Variants in TMEM63C observed in about 807,000 individuals in gnomAD.
TMEM63C encodes transmembrane protein 63C.
A neutral mutation model predicts 99.2 loss-of-function variants in TMEM63C; 32 were observed. The ratio of observed to expected loss-of-function variants is 0.32; its 90% CI spans 0.24 to 0.43. The LOEUF is 0.43. Ranked by LOEUF, TMEM63C falls within the 20% of genes least tolerant of loss-of-function variation. The pLI is 1.00. For synonymous variants in TMEM63C, 376 were observed against 397.9 expected (o/e 0.94, Z 0.66); for missense variants, 826 against 1,053.0 (o/e 0.78, Z 2.98).
chr14:77,252,866 C>G (rs1235680193), intron 22 of TMEM63C, among the ~76,000 whole-genome samples: 1 of 152,200 alleles, frequency 6.6e-6, no homozygotes, highest in Non-Finnish European at 1.5e-5. Context: ...CTGACTCTGT[C>G]TAATACAGCA....
chr14:77,242,835 A>G (rs1379277392), intron 14 of TMEM63C, 68 bp from the exon 15 acceptor site: 60 of 1,590,130 alleles, frequency 3.8e-5, no homozygotes, highest in Non-Finnish European at 5.1e-5. Flanking sequence ...GCTGGCCTGC[A>G]GCAAACAGCA....
Position 77,240,947 on chromosome 14 carries a change from CTTT to C in TMEM63C, c.1064+352_1064+354del, listed in dbSNP as rs533958957. Reference sequence around the variant, plus strand: ...TCCCTTTTTCTTTTTTTTTTTTTTTCTTTTTTTTTTTTTTTCTTTTTTTGAGAG... The same window carrying C: ...TCCCTTTTTCTTTTTTTTTTTTTTTCTTTTTTTTTTTTCTTTTTTTGAGAG... On this transcript the variant is annotated intron_variant, in intron 13 of 23. Transcript: ENST00000298351. Among the ~76,000 whole-genome samples the C allele has an allele frequency of 5.1e-3, 342 of 67,134 alleles. 5 individuals carry two copies. The highest frequency in any genetic ancestry group is 9.7e-3 in the Non-Finnish European group (257 of 26,452). The allele number at this position is 67,134 out of a possible 152,430, so 44.0% of individuals were successfully genotyped here.
chr14:77,253,515 C>T (rs1889409156), intron 23 of TMEM63C, 139 bp downstream of exon 23: 2 of 796,402 alleles, frequency 2.5e-6, no homozygotes, highest in Non-Finnish European at 4.2e-6. Context: ...GGGCTCCCTC[C>T]TCTAATGGAG....
At chr14:77,223,360 G>GGTGGCC (rs372104136) in intron 5 of TMEM63C, among the ~76,000 whole-genome samples, 32,559 of 152,178 alleles carry the variant, frequency 0.21, 3,702 homozygotes, top group Non-Finnish European at 0.26. Context: ...ACAGTGTCCA[G>GGTGGCC]CCAGGATGGG....
chr14:77,230,795 G>A (rs774764748), intron 6 of TMEM63C, among the ~76,000 whole-genome samples: 2 of 152,120 alleles, frequency 1.3e-5, no homozygotes, highest in Admixed American at 6.5e-5. Context: ...GTGCCAAAAA[G>A]GTTAGGGACC....
intron 17 of TMEM63C, 80 bp from the exon 18 acceptor site, chr14:77,246,529 G>C: frequency 8.1e-7 from 1 of 1,227,338 alleles, no homozygotes; most frequent in Non-Finnish European, 1.2e-6. Flanking sequence ...TTTGGAGATT[G>C]GGCAAGGGAG....
chr14:77,210,937 C>T (rs1028780384), intron 1 of TMEM63C, among the ~76,000 whole-genome samples: 5 of 152,166 alleles, frequency 3.3e-5, no homozygotes, highest in African/African-American at 1.2e-4. Context: ...TAGGGCATGG[C>T]TTGTGGCTAT....
intron 21 of TMEM63C, chr14:77,251,571 A>G (rs1889360662): frequency 1.8e-6 from 1 of 566,040 alleles, no homozygotes; most frequent in Non-Finnish European, 3.2e-6. Flanking sequence ...ACTGAAGTCA[A>G]TTAAAACATT....
At chr14:77,190,386 C>G (rs1421784250) in intron 1 of TMEM63C, among the ~76,000 whole-genome samples, 1 of 152,094 alleles carries the variant, frequency 6.6e-6, no homozygotes, top group East Asian at 1.9e-4. Flanking sequence ...ACCAACTACA[C>G]CAAATCACAG....
chr14:77,254,439 C>T (rs1246678930), intron 23 of TMEM63C, among the ~76,000 whole-genome samples: 3 of 152,184 alleles, frequency 2.0e-5, no homozygotes, highest in Non-Finnish European at 2.9e-5. Context: ...GGAGTAGGTG[C>T]TTCCATAATG....
intron 1 of TMEM63C, among the ~76,000 whole-genome samples, chr14:77,190,036 T>C (rs180703852): frequency 6.6e-6 from 1 of 152,218 alleles, no homozygotes; most frequent in Admixed American, 6.5e-5. Context: ...TAATAGGGGT[T>C]AGGAGAGGAT....
intron 3 of TMEM63C, among the ~76,000 whole-genome samples, chr14:77,219,244 G>T (rs1427062608): frequency 6.6e-6 from 1 of 152,170 alleles, no homozygotes; most frequent in Non-Finnish European, 1.5e-5. Context: ...GGCACATTCT[G>T]GTCCCATAGA....
At chr14:77,199,917 G>T (rs561807473) in intron 1 of TMEM63C, among the ~76,000 whole-genome samples, 1 of 152,344 alleles carries the variant, frequency 6.6e-6, no homozygotes, top group South Asian at 2.1e-4. Flanking sequence ...AAATGTAGGT[G>T]AGAGATGAGA....
At chr14:77,240,950 TTTTTTTTTTTTTC>T (rs1488556178) in intron 13 of TMEM63C, among the ~76,000 whole-genome samples, 7 of 91,772 alleles carry the variant, frequency 7.6e-5, no homozygotes, top group African/African-American at 3.6e-4. Flanking sequence ...TTTTTTTCTT[TTTTTTTTTTTTTC>T]TTTTTTTGAG....
chr14:77,194,336 ATGTGTGTGTGTGTGTGTGTG>A (rs36201483), intron 1 of TMEM63C, among the ~76,000 whole-genome samples: 2 of 87,560 alleles, frequency 2.3e-5, no homozygotes, highest in African/African-American at 1.2e-4. Flanking sequence ...ATATATATAT[ATGTGTGTGTGTGTGTGTGTG>A]TGTGTGTGTG....
intron 1 of TMEM63C, among the ~76,000 whole-genome samples, chr14:77,187,305 G>T (rs913017374): frequency 3.9e-5 from 6 of 152,222 alleles, no homozygotes; most frequent in Non-Finnish European, 7.3e-5. Context: ...GAGACGAAAA[G>T]ACTTGGAAGA....
intron 2 of TMEM63C, among the ~76,000 whole-genome samples, chr14:77,215,384 T>C (rs1304640619): frequency 6.6e-6 from 1 of 151,838 alleles, no homozygotes; most frequent in African/African-American, 2.4e-5. Flanking sequence ...GTGGGTCACC[T>C]GAGGTCAGGA....
chr14:77,186,943 C>T (rs1888012410), intron 1 of TMEM63C, among the ~76,000 whole-genome samples: 1 of 152,140 alleles, frequency 6.6e-6, no homozygotes, highest in Admixed American at 6.5e-5. Context: ...CTAGGCCTGG[C>T]TTGGGGAGAC....
chr14:77,257,057 AAGGGAGGAGACAG>A lies in TMEM63C; in HGVS notation c.*333_*345del. 1 of 268,436 alleles carries A rather than the reference AAGGGAGGAGACAG, an allele frequency of 3.7e-6. No homozygotes were observed. Among genetic ancestry groups the A allele is most frequent in the South Asian group, 6.5e-5 (1 of 15,454 alleles). 16.6% of individuals were successfully genotyped at this position (268,436 alleles called of 1,614,324 possible). A position where few individuals can be genotyped will look rare whatever the true frequency, so the allele number is the denominator to read the frequency against. On this transcript the variant is annotated 3_prime_UTR_variant, in exon 24 of 24. Transcript: ENST00000298351. ...GGACCAAGATGGAGAAGGTGTTCCT[AAGGGAGGAGACAG>A]AAGGAGGCTGCCGAAGGCTCTGTGG...
Sources: gnomAD v4.1 joint callset for allele counts (sites outside exome capture counted in the v4.1 genomes callset) on GRCh38, gnomAD v4.1.1 for gene constraint, MANE v1.5 for transcripts, NCBI Gene and HGNC (gene_info 2026-07-23, HGNC 2026-07-21) for gene names.